Variants in TENT2 observed in about 807,000 individuals in gnomAD.
TENT2 encodes the protein poly(A) RNA polymerase GLD2.
In TENT2, 44 loss-of-function variants were observed where a neutral mutation model predicts 72.2. The ratio of observed to expected loss-of-function variants is 0.61; its 90% confidence interval spans 0.48 to 0.78. TENT2 has a LOEUF of 0.78. TENT2 is among the 30% of genes least tolerant of loss of function. The pLI, the probability that TENT2 is intolerant of heterozygous loss-of-function variation, is 0.00. For synonymous variants in TENT2, 212 were observed against 192.5 expected (o/e 1.10, Z -0.84); for missense variants, 541 against 569.6 (o/e 0.95, Z 0.51).
rs570014684 is a variant in TENT2, at chr5:79,663,668, T to G, written c.1072-5224T>G. ...TTGTGGCACTCCAAAACAATTACAG[T>G]AGTAACATCAAATATTACTGATCAC... On this transcript the variant is annotated intron_variant, in intron 11 of 14. Transcript: ENST00000453514. Among the ~76,000 whole-genome samples the G allele has an allele frequency of 8.5e-5, 13 of 152,284 alleles. No homozygotes were observed. In the South Asian group the frequency reaches 2.7e-3, roughly 32 times the overall value.
chr5:79,619,622 ACATGTTCACTTCCAGTGAACAAGAG>A lies in TENT2; in HGVS notation c.-19_6del, dbSNP rs763317756. The A allele has an allele frequency of 1.1e-3, 1,764 of 1,606,678 alleles. 4 individuals are homozygous for A. The highest frequency in any genetic ancestry group is 1.5e-3 in the Non-Finnish European group (1,712 of 1,175,476). On this transcript the variant is annotated 5_prime_UTR_variant, in exon 2 of 15. The change abolishes an upstream ATG in the 5' untranslated region. Coordinates refer to ENST00000453514, the MANE Select transcript of TENT2 (RefSeq NM_001114394.3). ...TTTAAATTATCCTAGGTAGAAGAAT[ACATGTTCACTTCCAGTGAACAAGAG>A]CATGTTCCCAAACTCAATTTTGGGT...
rs191066132 is a variant in TENT2, at chr5:79,667,452, A to G, written c.1072-1440A>G. On this transcript the variant is annotated intron_variant, in intron 11 of 14. Transcript: ENST00000453514. ...AAAGGGGAATAGAGGCACTGCATCTATTCTTCCTTCTGCCTTTAGTCTTTA... is the reference window on the plus strand; with the variant it reads ...AAAGGGGAATAGAGGCACTGCATCTGTTCTTCCTTCTGCCTTTAGTCTTTA... 2.0e-3 allele frequency among the ~76,000 whole-genome samples: 302 copies of G among 152,286 alleles called. 1 individual carries two copies. Among genetic ancestry groups the G allele is most frequent in the Non-Finnish European group, 3.0e-3 (204 of 68,010 alleles).
chr5:79,656,911 A>C lies in TENT2; in HGVS notation c.1028-47A>C. The C allele has an allele frequency of 2.7e-6, 4 of 1,458,296 alleles. No homozygotes were observed. The South Asian group carries it at 4.9e-5, about 18-fold the overall frequency. The allele number at this position is 1,458,296 out of a possible 1,614,324, so 90.3% of individuals were successfully genotyped here. On this transcript the variant is annotated intron_variant, in intron 10 of 14. Transcript: ENST00000453514. ...TAGCTGACAAATTATTGCATTGTAA[A>C]ATGAGTCACGTGAATCACGGAAGCT... is the stretch of plus-strand genomic sequence containing the variant.
chr5:79,648,861 A>C, intron 9 of TENT2, 168 bp downstream of exon 9: 1 of 800,574 alleles, frequency 1.2e-6, no homozygotes, highest in Non-Finnish European at 2.0e-6. Context: ...TTATAGGTGA[A>C]TCAAGTGGCA....
rs537954080 is a variant in TENT2, at chr5:79,671,222, A to G, written c.1208+2194A>G. Among the ~76,000 whole-genome samples the G allele has an allele frequency of 2.0e-5, 3 of 152,226 alleles. No individual in the cohort carries two copies. The East Asian group carries it at 5.8e-4, about 29-fold the overall frequency. Reference sequence around the variant, plus strand: ...TGGAAAGAGGTTTCAGAACTTCACCATCTAGTACATTTGTCATTTCATATG... The same window carrying G: ...TGGAAAGAGGTTTCAGAACTTCACCGTCTAGTACATTTGTCATTTCATATG... On this transcript the variant is annotated intron_variant, in intron 12 of 14. Transcript: ENST00000453514.
At chr5:79,662,079 C>T (rs370806816) in intron 11 of TENT2, among the ~76,000 whole-genome samples, 6 of 152,340 alleles carry the variant, frequency 3.9e-5, no homozygotes, top group African/African-American at 1.4e-4. Flanking sequence ...ACAAGATTCA[C>T]AGCATCTTCA....
chr5:79,652,813 T>C (rs772277581), intron 10 of TENT2, among the ~76,000 whole-genome samples: 4 of 152,114 alleles, frequency 2.6e-5, no homozygotes, highest in South Asian at 2.1e-4. Context: ...TTACAAAATA[T>C]ATGTCAATCT....
At chr5:79,683,562 G>A (rs1281677286) in intron 14 of TENT2, among the ~76,000 whole-genome samples, 2 of 152,068 alleles carry the variant, frequency 1.3e-5, no homozygotes, top group Non-Finnish European at 2.9e-5. Context: ...ATTACAAGCT[G>A]TCGTTCAAAT....
intron 10 of TENT2, among the ~76,000 whole-genome samples, chr5:79,655,451 C>T (rs542622028): frequency 6.6e-6 from 1 of 151,994 alleles, no homozygotes; most frequent in African/African-American, 2.4e-5. Context: ...TTCTCTTCAT[C>T]CTTTGTTTTA....
At chr5:79,677,027 G>C (rs544121367) in intron 12 of TENT2, among the ~76,000 whole-genome samples, 2 of 152,112 alleles carry the variant, frequency 1.3e-5, no homozygotes, top group Non-Finnish European at 2.9e-5. Flanking sequence ...TTGTGCCACC[G>C]TACCCCAGCC....
At chr5:79,628,186 T>G (rs892939030) in intron 4 of TENT2, among the ~76,000 whole-genome samples, 2 of 152,258 alleles carry the variant, frequency 1.3e-5, no homozygotes, top group Non-Finnish European at 2.9e-5. Context: ...CTGTCATTAC[T>G]GGCATTGTGC....
chr5:79,682,824 A>C (rs750918641), intron 14 of TENT2, among the ~76,000 whole-genome samples: 14 of 152,116 alleles, frequency 9.2e-5, no homozygotes, highest in Non-Finnish European at 2.1e-4. Context: ...TATAGTATGA[A>C]TTTATTCATC....
intron 8 of TENT2, among the ~76,000 whole-genome samples, chr5:79,645,789 A>C (rs773221553): frequency 6.6e-6 from 1 of 152,196 alleles, no homozygotes; most frequent in Non-Finnish European, 1.5e-5. Context: ...GAATTGTGAC[A>C]GATTTCATAA....
intron 4 of TENT2, among the ~76,000 whole-genome samples, chr5:79,625,875 G>A (rs575359221): frequency 3.3e-5 from 5 of 151,978 alleles, no homozygotes; most frequent in East Asian, 1.9e-4. Flanking sequence ...TGCCGCCCAG[G>A]CTGGAGTGCA....
chr5:79,635,182 T>C (rs1458960912), intron 4 of TENT2, among the ~76,000 whole-genome samples: 3 of 152,210 alleles, frequency 2.0e-5, no homozygotes, highest in African/African-American at 7.2e-5. Flanking sequence ...AGCCATCTCC[T>C]GGAATATTTC....
At chr5:79,630,939 AGT>A (rs1403116845) in intron 4 of TENT2, among the ~76,000 whole-genome samples, 1 of 152,022 alleles carries the variant, frequency 6.6e-6, no homozygotes, top group Non-Finnish European at 1.5e-5. Flanking sequence ...TAGTATTTCA[AGT>A]GAGAGGCAAT....
intron 7 of TENT2, among the ~76,000 whole-genome samples, chr5:79,643,281 G>T (rs1168758494): frequency 6.6e-6 from 1 of 152,134 alleles, no homozygotes; most frequent in African/African-American, 2.4e-5. Flanking sequence ...ATGTGTGAGA[G>T]AGAATTTCAT....
chr5:79,684,711 C>T (rs1382342919), intron 14 of TENT2, among the ~76,000 whole-genome samples: 1 of 152,192 alleles, frequency 6.6e-6, no homozygotes, highest in African/African-American at 2.4e-5. Flanking sequence ...TTAATATTGT[C>T]AGTTGTATCT....
intron 11 of TENT2, among the ~76,000 whole-genome samples, chr5:79,662,224 A>C (rs779804148): frequency 2.0e-5 from 3 of 152,232 alleles, no homozygotes; most frequent in Non-Finnish European, 2.9e-5. Flanking sequence ...AATTCTAATT[A>C]TCTTGCTGTT....
Sources: allele counts gnomAD v4.1 joint callset (sites outside exome capture counted in the v4.1 genomes callset), GRCh38; gene constraint gnomAD v4.1.1; transcripts MANE v1.5; gene names NCBI Gene and HGNC (gene_info 2026-07-23, HGNC 2026-07-21).